Variants in CETN3 observed in about 807,000 individuals in gnomAD.
CETN3 encodes the protein centrin 3.
In CETN3, 17 loss-of-function variants were observed where a neutral mutation model predicts 20.1. The ratio of observed to expected loss-of-function variants is 0.85; its 90% CI spans 0.58 to 1.27. CETN3 has a LOEUF of 1.27. Ranked by LOEUF, CETN3 falls within the 50% of genes most tolerant of loss-of-function variation. The pLI, the probability that CETN3 is intolerant of heterozygous loss-of-function variation, is 0.00. For missense variants in CETN3, 169 were observed against 191.2 expected (o/e 0.88, Z 0.69); for synonymous variants, 52 against 59.7 (o/e 0.87, Z 0.59).
At chr5:90,397,332 A>T (rs1003289749) in intron 4 of CETN3, among the ~76,000 whole-genome samples, 1 of 152,132 alleles carries the variant, frequency 6.6e-6, no homozygotes, top group Non-Finnish European at 1.5e-5. Context: ...TCAAGTTCCT[A>T]TATCTAATAA....
intron 1 of CETN3, among the ~76,000 whole-genome samples, chr5:90,408,828 G>A (rs1684210911): frequency 6.7e-6 from 1 of 149,002 alleles, no homozygotes; most frequent in Admixed American, 6.7e-5. Flanking sequence ...GCTAGGAAGT[G>A]ACTAGTAGGT....
At chr5:90,405,213 A>C (rs191927948) in intron 3 of CETN3, among the ~76,000 whole-genome samples, 1 of 152,284 alleles carries the variant, frequency 6.6e-6, no homozygotes, top group African/African-American at 2.4e-5. Context: ...GTCAACCTGA[A>C]GTCGTGCATT....
Position 90,400,812 on chromosome 5 carries a change from G to T in CETN3, c.269-1263C>A, listed in dbSNP as rs570621454. On this transcript the variant is annotated intron_variant, in intron 3 of 4. Transcript: ENST00000283122. ...TAATTTTATCCAAAAAGGCTTCCAA[G>T]TAACTAATTGAAGTATATTACTGTA... Among the ~76,000 whole-genome samples the T allele has an allele frequency of 4.6e-5, 7 of 152,166 alleles. No homozygotes were observed. The East Asian group carries it at 1.4e-3, about 29-fold the overall frequency.
intron 3 of CETN3, among the ~76,000 whole-genome samples, chr5:90,403,184 C>T (rs1473691832): frequency 6.6e-6 from 1 of 152,150 alleles, no homozygotes; most frequent in African/African-American, 2.4e-5. Flanking sequence ...CCAGATATAT[C>T]TGTGGAACAG....
intron 4 of CETN3, among the ~76,000 whole-genome samples, chr5:90,395,240 G>A (rs1202697064): frequency 1.3e-5 from 2 of 152,112 alleles, no homozygotes; most frequent in African/African-American, 2.4e-5. Flanking sequence ...CACAATAAGT[G>A]TTGCGTAATA....
chr5:90,401,884 C>T (rs1460365144), intron 3 of CETN3, among the ~76,000 whole-genome samples: 1 of 152,168 alleles, frequency 6.6e-6, no homozygotes, highest in Non-Finnish European at 1.5e-5. Context: ...AGGTCTCGCT[C>T]TGTTGCCCAG....
intron 2 of CETN3, among the ~76,000 whole-genome samples, chr5:90,406,971 C>T (rs1426906082): frequency 1.3e-5 from 2 of 151,838 alleles, no homozygotes; most frequent in Non-Finnish European, 2.9e-5. Flanking sequence ...TAGTTCCTAT[C>T]CCTACTTGGA....
chr5:90,397,264 ATCT>A (rs1315821523), intron 4 of CETN3, among the ~76,000 whole-genome samples: 1 of 152,000 alleles, frequency 6.6e-6, no homozygotes, highest in Non-Finnish European at 1.5e-5. Context: ...TTAAAAGACA[ATCT>A]TCTATATCTC....
intron 1 of CETN3, among the ~76,000 whole-genome samples, chr5:90,408,834 T>C (rs1016888997): frequency 1.3e-5 from 2 of 148,418 alleles, no homozygotes; most frequent in African/African-American, 5.0e-5. Flanking sequence ...AAGTGACTAG[T>C]AGGTGCAGTA....
intron 3 of CETN3, among the ~76,000 whole-genome samples, chr5:90,404,152 CAT>C (rs1236419562): frequency 6.6e-6 from 1 of 152,120 alleles, no homozygotes; most frequent in Non-Finnish European, 1.5e-5. Context: ...AGGTACTTCA[CAT>C]ATCATTAACT....
chr5:90,400,981 G>C (rs1749274854), intron 3 of CETN3, among the ~76,000 whole-genome samples: 1 of 151,974 alleles, frequency 6.6e-6, no homozygotes, highest in African/African-American at 2.4e-5. Context: ...AAAAAAGCAG[G>C]ACAAGGAAAA....
intron 1 of CETN3, among the ~76,000 whole-genome samples, chr5:90,408,315 C>CA (rs1048120299): frequency 2.7e-5 from 4 of 150,860 alleles, no homozygotes; most frequent in East Asian, 1.9e-4. Flanking sequence ...CATAAAATTA[C>CA]AAAAAAAAAG....
rs1008222809 is a variant in CETN3 at position 90,393,789 on chromosome 5, A to G, written c.*275T>C. The stretch of plus-strand genomic sequence containing the variant: ...GCACTAAAAAGTGACTATAAATGTT[A>G]AATTAAAAAACCTTCAAAGAACACA... On this transcript the variant is annotated 3_prime_UTR_variant, in exon 5 of 5. Coordinates refer to ENST00000283122, the MANE Select transcript of CETN3 (RefSeq NM_004365.4). 1 of 227,824 alleles carries G rather than the reference A, an allele frequency of 4.4e-6. No individual in the cohort carries two copies. Among genetic ancestry groups the G allele is most frequent in the African/African-American group, 2.3e-5 (1 of 44,288 alleles). 14.1% of individuals were successfully genotyped at this position (227,824 alleles called of 1,614,324 possible).
rs6882045 is a variant in CETN3, at chr5:90,399,627, T to C, written c.269-78A>G. 11,626 of 1,133,014 alleles carry C rather than the reference T, an allele frequency of 0.01. 840 individuals carry two copies. In the African/African-American group the frequency reaches 0.16, roughly 16 times the overall value. 70.2% of individuals were successfully genotyped at this position (1,133,014 alleles called of 1,614,324 possible). A position where few individuals can be genotyped will look rare whatever the true frequency, so the allele number is the denominator to read the frequency against. On this transcript the variant is annotated intron_variant, in intron 3 of 4. Coordinates refer to ENST00000283122, the MANE Select transcript of CETN3 (RefSeq NM_004365.4). ...TTCATTTGTGAAATCAACTAAATAT[T>C]AGATGAGAATTAAAGCTGTGACTGT...
rs1749485999 is a variant in CETN3 at position 90,407,622 on chromosome 5, A to G, written c.153+77T>C. On this transcript the variant is annotated intron_variant, in intron 2 of 4. Coordinates refer to ENST00000283122, the MANE Select transcript of CETN3 (RefSeq NM_004365.4). ...ACCAATTTAGTTAAAATAATTATTT[A>G]GAAATGTAATGTAAAGCAACTGTAA... 11 of 1,017,868 alleles carry G rather than the reference A, an allele frequency of 1.1e-5. No individual in the cohort carries two copies. The South Asian group carries it at 3.7e-4, about 34-fold the overall frequency. The allele number at this position is 1,017,868 out of a possible 1,614,324, so 63.1% of individuals were successfully genotyped here.
At chr5:90,398,359 T>C (rs1224645344) in intron 4 of CETN3, among the ~76,000 whole-genome samples, 1 of 152,158 alleles carries the variant, frequency 6.6e-6, no homozygotes, top group Non-Finnish European at 1.5e-5. Flanking sequence ...ATTAAGTGTA[T>C]GAAAGTATCA....
chr5:90,395,315 T>C (rs986912573), intron 4 of CETN3, among the ~76,000 whole-genome samples: 36 of 152,322 alleles, frequency 2.4e-4, no homozygotes, highest in African/African-American at 8.7e-4. Context: ...AAAGATATTA[T>C]ATGATATTAT....
intron 2 of CETN3, among the ~76,000 whole-genome samples, chr5:90,406,660 G>A (rs1749452167): frequency 6.6e-6 from 1 of 151,736 alleles, no homozygotes; most frequent in Non-Finnish European, 1.5e-5. Flanking sequence ...TATGAGCAAT[G>A]AACAATTTAT....
At chr5:90,409,363 T>C (rs2151884887) in intron 1 of CETN3, among the ~76,000 whole-genome samples, 1 of 152,278 alleles carries the variant, frequency 6.6e-6, no homozygotes, top group Middle Eastern at 3.4e-3. Flanking sequence ...TCGCGATATT[T>C]CATTCCCACC....
Sources: gnomAD v4.1 joint callset for allele counts (sites outside exome capture counted in the v4.1 genomes callset) on GRCh38, gnomAD v4.1.1 for gene constraint, MANE v1.5 for transcripts, NCBI Gene and HGNC (gene_info 2026-07-23, HGNC 2026-07-21) for gene names.